SLC30A4: variants seen among roughly 807,000 people sequenced by gnomAD.
SLC30A4 encodes the protein probable proton-coupled zinc antiporter SLC30A4.
Under a neutral mutation model 41.7 loss-of-function variants are expected in SLC30A4, and 20 were observed. The observed-to-expected ratio is 0.48, with a 90% CI of 0.34 to 0.70. The LOEUF is 0.70. Ranked by LOEUF, SLC30A4 falls within the 30% of genes least tolerant of loss-of-function variation. The pLI is 0.01. For synonymous variants in SLC30A4, 181 were observed against 195.9 expected (o/e 0.92, Z 0.64); for missense variants, 441 against 529.3 (o/e 0.83, Z 1.64).
At chr15:45,511,930 C>T (rs919753316) in intron 2 of SLC30A4, among the ~76,000 whole-genome samples, 1 of 152,148 alleles carries the variant, frequency 6.6e-6, no homozygotes, top group Non-Finnish European at 1.5e-5. Context: ...AATTAATAAC[C>T]ATATCTAAAT....
intron 3 of SLC30A4, among the ~76,000 whole-genome samples, chr15:45,494,042 A>G (rs916600904): frequency 6.6e-6 from 1 of 152,180 alleles, no homozygotes; most frequent in African/African-American, 2.4e-5. Context: ...AGCTATGGAG[A>G]GACCTCTATA....
In SLC30A4 at chr15:45,481,601, T is replaced by C. The variant is rs1468500553; in HGVS notation, c.*3562A>G. On this transcript the variant is annotated 3_prime_UTR_variant, in exon 8 of 8. Coordinates refer to ENST00000261867, the MANE Select transcript of SLC30A4 (RefSeq NM_013309.6). ...TTTCCCAGTGCAAAATTAATAATGCTATGTGTTCATCCAACTCAGCCACTG... is the reference window on the plus strand; with the variant it reads ...TTTCCCAGTGCAAAATTAATAATGCCATGTGTTCATCCAACTCAGCCACTG... The C allele has an allele frequency of 2.6e-5, 4 of 152,184 alleles. No homozygotes were observed. In the East Asian group the frequency reaches 7.7e-4, roughly 29 times the overall value. 9.4% of individuals were successfully genotyped at this position (152,184 alleles called of 1,614,324 possible).
rs531099416 is a variant in SLC30A4 at position 45,482,493 on chromosome 15, G to A, written c.*2670C>T. The A allele has an allele frequency of 6.6e-5, 10 of 151,892 alleles. No homozygotes were observed. In the South Asian group the frequency reaches 2.1e-3, roughly 32 times the overall value. 9.4% of individuals were successfully genotyped at this position (151,892 alleles called of 1,614,324 possible). On this transcript the variant is annotated 3_prime_UTR_variant, in exon 8 of 8. Transcript: ENST00000261867. ...ATCAAATACATTTTTTAAGGAACAG[G>A]TCGATACAAAAGCGAGATATGCCTT...
chr15:45,485,319 T>G lies in SLC30A4; in HGVS notation c.1136-2A>C. 1.2e-6 allele frequency: 2 copies of G among 1,600,914 alleles called. No individual in the cohort carries two copies. Among genetic ancestry groups the G allele is most frequent in the Non-Finnish European group, 1.7e-6 (2 of 1,172,190 alleles). ...CCCATTTAGATGAACTTCCAGGAACTGCAATGTCAAGAAAATATCATTACT... is the reference window on the plus strand; with the variant it reads ...CCCATTTAGATGAACTTCCAGGAACGGCAATGTCAAGAAAATATCATTACT... On this transcript the variant is annotated splice_acceptor_variant, in intron 7 of 7. Coordinates refer to ENST00000261867, the MANE Select transcript of SLC30A4 (RefSeq NM_013309.6). LOFTEE classifies it high-confidence loss of function.
chr15:45,516,264 T>A (rs1274667528), intron 2 of SLC30A4, among the ~76,000 whole-genome samples: 1 of 152,206 alleles, frequency 6.6e-6, no homozygotes, highest in East Asian at 1.9e-4. Flanking sequence ...TACTTAGGAT[T>A]TTCTAGTGCA....
intron 3 of SLC30A4, among the ~76,000 whole-genome samples, chr15:45,508,089 C>T (rs1469425114): frequency 1.3e-5 from 2 of 152,066 alleles, no homozygotes; most frequent in Non-Finnish European, 2.9e-5. Context: ...TCCCACAATG[C>T]TAGGATTGCA....
At chr15:45,516,303 G>A (rs1012898272) in intron 2 of SLC30A4, among the ~76,000 whole-genome samples, 1 of 152,190 alleles carries the variant, frequency 6.6e-6, no homozygotes, top group African/African-American at 2.4e-5. Context: ...CCCTGGATCA[G>A]TAGTGTTAGC....
At chr15:45,512,915 T>C (rs7166434) in intron 2 of SLC30A4, among the ~76,000 whole-genome samples, 13,729 of 151,388 alleles carry the variant, frequency 0.091, 2,052 homozygotes, top group African/African-American at 0.31. Flanking sequence ...ACTGCTTGAG[T>C]GTAAGAGTCT....
In SLC30A4 at chr15:45,480,405, C is replaced by T. The variant is rs1017269446; in HGVS notation, c.*4758G>A. ...CAAGACCTGGTTGTCAAGATTCATA[C>T]GACACATCTGGAGTTAGGGTTTGCA... is the stretch of plus-strand genomic sequence containing the variant. On this transcript the variant is annotated 3_prime_UTR_variant, in exon 8 of 8. Coordinates refer to ENST00000261867, the MANE Select transcript of SLC30A4 (RefSeq NM_013309.6). 7 of 152,302 alleles carry T rather than the reference C, an allele frequency of 4.6e-5. No individual in the cohort carries two copies. The highest frequency in any genetic ancestry group is 1.9e-4 in the East Asian group (1 of 5,186). 9.4% of individuals were successfully genotyped at this position (152,302 alleles called of 1,614,324 possible). A position where few individuals can be genotyped will look rare whatever the true frequency, so the allele number is the denominator to read the frequency against.
chr15:45,487,465 C>G, intron 6 of SLC30A4, 62 bp downstream of exon 6: 1 of 824,000 alleles, frequency 1.2e-6, no homozygotes, highest in Non-Finnish European at 2.1e-6. Context: ...AGAATGTCCC[C>G]TGACTCCCAA....
In SLC30A4 at chr15:45,490,853, C is replaced by A; in HGVS notation, c.567G>T (p.Leu189=). ...LEVLSAMISV[L]LVYILMGFLL... ...GGAATCCCATAAGTATATACACCAACAGCACACTAATCATAGCTGACAAAA... is the reference window on the plus strand; with the variant it reads ...GGAATCCCATAAGTATATACACCAAAAGCACACTAATCATAGCTGACAAAA... The change falls in exon 4 of 8, where the codon CTG becomes CTT. Residue 189 remains leucine, a synonymous_variant. Coordinates refer to ENST00000261867, the MANE Select transcript of SLC30A4 (RefSeq NM_013309.6). 1 of 1,597,926 alleles carries A rather than the reference C, an allele frequency of 6.3e-7. No homozygotes were observed. Among genetic ancestry groups the A allele is most frequent in the Non-Finnish European group, 8.5e-7 (1 of 1,172,548 alleles).
At chr15:45,514,361 C>CA (rs10595522) in intron 2 of SLC30A4, among the ~76,000 whole-genome samples, 43,524 of 119,008 alleles carry the variant, frequency 0.37, 8,594 homozygotes, top group Middle Eastern at 0.49. Context: ...AACTCTGTCT[C>CA]AAAAAAAAAA....
At chr15:45,504,818 A>T (rs1382276191) in intron 3 of SLC30A4, among the ~76,000 whole-genome samples, 2 of 152,202 alleles carry the variant, frequency 1.3e-5, no homozygotes, top group African/African-American at 2.4e-5. Flanking sequence ...AACTTGCCCA[A>T]GGTCAAACTG....
intron 2 of SLC30A4, among the ~76,000 whole-genome samples, chr15:45,512,032 T>G (rs1040748443): frequency 3.9e-5 from 6 of 152,174 alleles, no homozygotes; most frequent in African/African-American, 1.4e-4. Flanking sequence ...AAATGTACAT[T>G]AGTTCGATAT....
intron 2 of SLC30A4, 48 bp downstream of exon 2, chr15:45,521,914 AAG>A (rs1892677747): frequency 2.6e-6 from 4 of 1,566,876 alleles, no homozygotes; most frequent in Non-Finnish European, 3.5e-6. Flanking sequence ...CAGCTTGACA[AAG>A]ACTCTCGAGG....
At chr15:45,496,718 G>A (rs1269083249) in intron 3 of SLC30A4, among the ~76,000 whole-genome samples, 5 of 151,916 alleles carry the variant, frequency 3.3e-5, no homozygotes, top group Admixed American at 6.6e-5. Flanking sequence ...AAAAATGGCC[G>A]GATGTGGTAG....
chr15:45,505,238 T>TAA (rs1209222695), intron 3 of SLC30A4, among the ~76,000 whole-genome samples: 5 of 53,300 alleles, frequency 9.4e-5, no homozygotes, highest in Admixed American at 2.1e-4. Context: ...TCTCAAAAAT[T>TAA]AAAAAAAAAA....
intron 3 of SLC30A4, chr15:45,497,395 G>T (rs1383832220): frequency 6.6e-6 from 1 of 152,060 alleles, no homozygotes; most frequent in Admixed American, 6.6e-5. Context: ...AACATATTTT[G>T]CCAGCTAAGT....
chr15:45,504,952 C>T (rs1276550709), intron 3 of SLC30A4, among the ~76,000 whole-genome samples: 8 of 151,946 alleles, frequency 5.3e-5, no homozygotes, highest in Non-Finnish European at 4.4e-5. Context: ...TACAATCAAC[C>T]GGGTATGGTG....
Sources: allele counts gnomAD v4.1 joint callset (sites outside exome capture counted in the v4.1 genomes callset), GRCh38; gene constraint gnomAD v4.1.1; transcripts MANE v1.5; gene names NCBI Gene and HGNC (gene_info 2026-07-23, HGNC 2026-07-21).